Variants in RERE observed in about 807,000 individuals in gnomAD.
The protein encoded by RERE is arginine-glutamic acid dipeptide repeats, also known as arginine-glutamic acid dipeptide repeats protein.
In RERE, 40 loss-of-function variants were observed where a neutral mutation model predicts 146.1. The ratio of observed to expected loss-of-function variants is 0.27; its 90% CI spans 0.21 to 0.36. The LOEUF (loss-of-function observed/expected upper bound fraction) is 0.36, where lower values mean the gene tolerates loss of function less well. RERE is among the 10% of genes least tolerant of loss of function. RERE has a pLI of 1.00. For missense variants in RERE, 1,933 were observed against 2,138.7 expected, an observed-to-expected ratio of 0.90 and a Z score of 1.90; for synonymous variants, 1,003 against 866.0, an observed-to-expected ratio of 1.16 and a Z score of -2.78.
At chr1:8,502,693 CTG>C (rs889242384) in intron 8 of RERE, among the ~76,000 whole-genome samples, 2 of 150,756 alleles carry the variant, frequency 1.3e-5, no homozygotes, top group African/African-American at 4.9e-5. Context: ...GTTGCCGGGT[CTG>C]TGTGGATAGA....
intron 2 of RERE, among the ~76,000 whole-genome samples, chr1:8,628,698 G>C (rs1219414975): frequency 6.6e-6 from 1 of 152,078 alleles, no homozygotes; most frequent in East Asian, 1.9e-4. Context: ...AATGTTTATA[G>C]CACAAAAATA....
chr1:8,473,554 C>T (rs1436045672), intron 10 of RERE, among the ~76,000 whole-genome samples: 1 of 152,222 alleles, frequency 6.6e-6, no homozygotes, highest in African/African-American at 2.4e-5. Context: ...TACTGTGCCA[C>T]AATAACTAGA....
At chr1:8,653,619 C>T (rs571745653) in intron 2 of RERE, among the ~76,000 whole-genome samples, 23 of 145,540 alleles carry the variant, frequency 1.6e-4, no homozygotes, top group African/African-American at 4.9e-4. Context: ...GGCGTGAACC[C>T]GGGAGGCGGA....
intron 1 of RERE, among the ~76,000 whole-genome samples, chr1:8,761,847 A>G (rs796776043): frequency 2.0e-5 from 3 of 152,230 alleles, no homozygotes; most frequent in East Asian, 3.9e-4. Flanking sequence ...ACTTAAACCC[A>G]AGAGGCGGAG....
At chr1:8,504,023 G>C (rs1007330542) in intron 8 of RERE, among the ~76,000 whole-genome samples, 2 of 152,188 alleles carry the variant, frequency 1.3e-5, no homozygotes, top group African/African-American at 4.8e-5. Flanking sequence ...AAAGGCCATA[G>C]AAAAATCTGA....
At chr1:8,751,248 C>G (rs1312013079) in intron 1 of RERE, among the ~76,000 whole-genome samples, 1 of 152,176 alleles carries the variant, frequency 6.6e-6, no homozygotes, top group Non-Finnish European at 1.5e-5. Flanking sequence ...TCCACCAACC[C>G]TACCTCTGCC....
intron 1 of RERE, among the ~76,000 whole-genome samples, chr1:8,805,522 G>A (rs914929735): frequency 2.6e-5 from 4 of 152,090 alleles, no homozygotes; most frequent in East Asian, 1.9e-4. Flanking sequence ...GGTGGCAGGC[G>A]CCTGTAGTCC....
At chr1:8,375,916 A>G (rs1296852615) in intron 12 of RERE, among the ~76,000 whole-genome samples, 2 of 152,262 alleles carry the variant, frequency 1.3e-5, no homozygotes, top group Non-Finnish European at 2.9e-5. Context: ...TTATATCTTA[A>G]TATATATTTA....
At chr1:8,625,915 GC>G (rs1646968650) in intron 2 of RERE, among the ~76,000 whole-genome samples, 2 of 152,126 alleles carry the variant, frequency 1.3e-5, no homozygotes, top group African/African-American at 4.8e-5. Flanking sequence ...AACTATTTAG[GC>G]ATTCAGAATT....
chr1:8,722,644 A>G (rs963105871), intron 1 of RERE, among the ~76,000 whole-genome samples: 3 of 152,234 alleles, frequency 2.0e-5, no homozygotes, highest in Non-Finnish European at 4.4e-5. Context: ...AAACATGTAT[A>G]GAATTTTTTA....
At chr1:8,469,813 G>T (rs1644656024) in intron 10 of RERE, among the ~76,000 whole-genome samples, 1 of 152,168 alleles carries the variant, frequency 6.6e-6, no homozygotes, top group African/African-American at 2.4e-5. Context: ...AGCTGGAAGA[G>T]ATGCTTCCAC....
At chr1:8,623,866 T>A (rs1646944140) in intron 3 of RERE, among the ~76,000 whole-genome samples, 1 of 152,146 alleles carries the variant, frequency 6.6e-6, no homozygotes, top group African/African-American at 2.4e-5. Flanking sequence ...CCACAACAAT[T>A]TCAACATCAT....
At chr1:8,619,967 T>C (rs978989767) in intron 3 of RERE, among the ~76,000 whole-genome samples, 10 of 152,204 alleles carry the variant, frequency 6.6e-5, no homozygotes, top group African/African-American at 2.4e-4. Flanking sequence ...TCCCTTTAGG[T>C]GCTGAGTTCC....
intron 7 of RERE, among the ~76,000 whole-genome samples, chr1:8,509,082 T>C (rs1645295447): frequency 6.6e-6 from 1 of 152,174 alleles, no homozygotes; most frequent in African/African-American, 2.4e-5. Flanking sequence ...GCCCGGCTAA[T>C]TTTTGTAATT....
At chr1:8,767,434 C>CT (rs994355899) in intron 1 of RERE, among the ~76,000 whole-genome samples, 3 of 152,014 alleles carry the variant, frequency 2.0e-5, no homozygotes, top group African/African-American at 7.2e-5. Flanking sequence ...AATCTCATCT[C>CT]TACAAAAAGC....
rs919657262 is a variant in RERE, at chr1:8,663,327, G to A, written c.-144-6886C>T. On this transcript the variant is annotated intron_variant, in intron 1 of 22. Coordinates refer to ENST00000400908, the MANE Select transcript of RERE (RefSeq NM_001042681.2). ...TGACTTTTGACTAAATACAGTGAGC[G>A]AAGTCCTCCAGTTAATTCTTCCTCA... Among the ~76,000 whole-genome samples the A allele has an allele frequency of 3.9e-5, 6 of 152,060 alleles. No homozygotes were observed. In the East Asian group the frequency reaches 5.8e-4, roughly 15 times the overall value.
At chr1:8,647,747 T>A (rs1401818137) in intron 2 of RERE, among the ~76,000 whole-genome samples, 1 of 151,678 alleles carries the variant, frequency 6.6e-6, no homozygotes, top group Non-Finnish European at 1.5e-5. Context: ...GTCTGAGTAA[T>A]TAATTGCCTT....
intron 3 of RERE, among the ~76,000 whole-genome samples, chr1:8,621,499 C>T (rs1646915492): frequency 6.6e-6 from 1 of 152,286 alleles, no homozygotes; most frequent in Non-Finnish European, 1.5e-5. Flanking sequence ...AACGGGCATT[C>T]ACCCAGTTAC....
At chr1:8,376,532 G>A (rs1642263895) in intron 12 of RERE, among the ~76,000 whole-genome samples, 1 of 152,178 alleles carries the variant, frequency 6.6e-6, no homozygotes, top group African/African-American at 2.4e-5. Context: ...GACGCTGGGA[G>A]CCTACAACCA....
Sources: gnomAD v4.1 joint callset for allele counts (sites outside exome capture counted in the v4.1 genomes callset) on GRCh38, gnomAD v4.1.1 for gene constraint, MANE v1.5 for transcripts, NCBI Gene and HGNC (gene_info 2026-07-23, HGNC 2026-07-21) for gene names.